Variants in STARD13 observed in about 807,000 individuals in gnomAD.
STARD13 encodes the protein StAR related lipid transfer domain containing 13.
Under a neutral mutation model 106.4 loss-of-function variants are expected in STARD13, and 62 were observed. The ratio of observed to expected loss-of-function variants is 0.58; its 90% CI spans 0.48 to 0.72. The LOEUF is 0.72. Ranked by LOEUF, STARD13 falls within the 30% of genes least tolerant of loss-of-function variation. The probability of loss-of-function intolerance (pLI) is 0.00; values close to 1 mark genes in which losing one functional copy is unlikely to be tolerated. For synonymous variants in STARD13, 565 were observed against 553.0 expected (o/e 1.02, Z -0.31); for missense variants, 1,387 against 1,424.0 (o/e 0.97, Z 0.42).
chr13:33,521,469 T>C, the STARD13 span, among the ~76,000 whole-genome samples: 153 of 152,282 alleles, frequency 1.0e-3, 1 homozygote, highest in African/African-American at 3.7e-3. Flanking sequence ...ATCTATTGTC[T>C]ATCTTCCTAA....
chr13:33,261,464 T>G (rs1285036091), intron 1 of STARD13, among the ~76,000 whole-genome samples: 1 of 152,176 alleles, frequency 6.6e-6, no homozygotes, highest in Non-Finnish European at 1.5e-5. Context: ...TGGCACCCAC[T>G]CATATCATTT....
intron 1 of STARD13, among the ~76,000 whole-genome samples, chr13:33,187,041 G>A (rs937202506): frequency 1.3e-5 from 2 of 152,132 alleles, no homozygotes; most frequent in Non-Finnish European, 2.9e-5. Flanking sequence ...TCCCATCTGG[G>A]CTACTTTTCT....
chr13:33,587,874 C>A, the STARD13 span, among the ~76,000 whole-genome samples: 4 of 152,232 alleles, frequency 2.6e-5, no homozygotes, highest in African/African-American at 7.2e-5. Flanking sequence ...GTATAAAAAT[C>A]TCACAATTTT....
the STARD13 span, among the ~76,000 whole-genome samples, chr13:33,405,913 G>A: frequency 6.6e-6 from 1 of 152,206 alleles, no homozygotes; most frequent in East Asian, 1.9e-4. Flanking sequence ...CTAACATGTA[G>A]AGAGCACTGC....
chr13:33,276,803 G>A (rs1435285139), intron 1 of STARD13: 1 of 152,046 alleles, frequency 6.6e-6, no homozygotes, highest in South Asian at 2.1e-4. Flanking sequence ...TCGCCCTTGT[G>A]TTTTATCCAA....
At chr13:33,521,193 T>C in the STARD13 span, among the ~76,000 whole-genome samples, 1 of 152,144 alleles carries the variant, frequency 6.6e-6, no homozygotes, top group Non-Finnish European at 1.5e-5. Flanking sequence ...TCCTCAGACA[T>C]GTTCTACAGG....
At chr13:33,423,011 A>T in the STARD13 span, among the ~76,000 whole-genome samples, 2,210 of 152,296 alleles carry the variant, frequency 0.015, 51 homozygotes, top group African/African-American at 0.051. Flanking sequence ...AACCTAGGCA[A>T]TACCATTCAG....
chr13:33,591,584 C>T, the STARD13 span, among the ~76,000 whole-genome samples: 1 of 152,176 alleles, frequency 6.6e-6, no homozygotes, highest in African/African-American at 2.4e-5. Context: ...ACTATCATCA[C>T]AACAAATTTA....
At chr13:33,658,476 T>A in the STARD13 span, 1 of 152,156 alleles carries the variant, frequency 6.6e-6, no homozygotes, top group South Asian at 2.1e-4. Context: ...TTAGTTAGTA[T>A]TTTCCTCTTC....
the STARD13 span, among the ~76,000 whole-genome samples, chr13:33,499,309 T>C: frequency 2.3e-4 from 35 of 152,328 alleles, no homozygotes; most frequent in African/African-American, 8.2e-4. Context: ...CATGACAAAA[T>C]ACCAAAGACT....
chr13:33,478,801 A>C, the STARD13 span, among the ~76,000 whole-genome samples: 1 of 152,272 alleles, frequency 6.6e-6, no homozygotes, highest in South Asian at 2.1e-4. Flanking sequence ...CTGTAGTCCC[A>C]GCTATTCATG....
At chr13:33,293,096 G>A (rs1892354480) in intron 1 of STARD13, among the ~76,000 whole-genome samples, 1 of 152,174 alleles carries the variant, frequency 6.6e-6, no homozygotes, top group Admixed American at 6.5e-5. Flanking sequence ...CTTAACTGAT[G>A]CATCCTCAGG....
At chr13:33,132,230 T>C (rs551068037) in intron 4 of STARD13, among the ~76,000 whole-genome samples, 50 of 152,220 alleles carry the variant, frequency 3.3e-4, no homozygotes, top group Non-Finnish European at 6.0e-4. Flanking sequence ...TTTGGTTGTG[T>C]TCCCACCAAA....
At chr13:33,398,703 T>C in the STARD13 span, among the ~76,000 whole-genome samples, 1 of 152,180 alleles carries the variant, frequency 6.6e-6, no homozygotes, top group Admixed American at 6.5e-5. Flanking sequence ...AGATTCCCAA[T>C]ATTATCAGTA....
chr13:33,650,712 T>TTAAC, the STARD13 span, among the ~76,000 whole-genome samples: 2 of 152,260 alleles, frequency 1.3e-5, no homozygotes, highest in African/African-American at 4.8e-5. Context: ...ATGTTGGAAC[T>TTAAC]TAACTCCCAA....
chr13:33,162,403 C>G (rs1207168883), intron 3 of STARD13, among the ~76,000 whole-genome samples: 1 of 152,218 alleles, frequency 6.6e-6, no homozygotes, highest in Admixed American at 6.5e-5. Flanking sequence ...CCATTTGGCT[C>G]CTTGACACTT....
intron 3 of STARD13, among the ~76,000 whole-genome samples, chr13:33,150,480 T>C (rs1272808186): frequency 1.3e-5 from 2 of 152,242 alleles, no homozygotes; most frequent in Non-Finnish European, 2.9e-5. Flanking sequence ...GCAGCCAAGC[T>C]AGAACTTCTT....
the STARD13 span, among the ~76,000 whole-genome samples, chr13:33,464,011 CA>C: frequency 6.0e-3 from 494 of 82,362 alleles, 4 homozygotes; most frequent in African/African-American, 0.015. Flanking sequence ...GACTCCGTCT[CA>C]AAAAAAAAAT....
chr13:33,323,782 C>T (rs1893644558), intron 1 of STARD13, among the ~76,000 whole-genome samples: 1 of 152,212 alleles, frequency 6.6e-6, no homozygotes, highest in Admixed American at 6.5e-5. Flanking sequence ...CTTGGCTCCA[C>T]AAAATGGCTC....
Sources: allele counts gnomAD v4.1 joint callset (sites outside exome capture counted in the v4.1 genomes callset), GRCh38; gene constraint gnomAD v4.1.1; transcripts MANE v1.5; gene names NCBI Gene and HGNC (gene_info 2026-07-23, HGNC 2026-07-21).